The following SNX10 variants were observed in gnomAD, a reference collection of about 807,000 sequenced individuals.
SNX10 encodes sorting nexin 10.
In SNX10, 25 loss-of-function variants were observed where a neutral mutation model predicts 28.5. That is an observed-to-expected ratio of 0.88 (90% CI 0.64 to 1.22). SNX10 has a LOEUF of 1.22. Ranked by LOEUF, SNX10 falls within the 50% of genes most tolerant of loss-of-function variation. SNX10 has a pLI of 0.00. For synonymous variants in SNX10, 62 were observed against 81.4 expected (o/e 0.76, Z 1.28); for missense variants, 223 against 242.6 (o/e 0.92, Z 0.54).
intron 1 of SNX10, among the ~76,000 whole-genome samples, chr7:26,304,567 G>A (rs868528136): frequency 3.3e-5 from 5 of 152,114 alleles, no homozygotes; most frequent in South Asian, 2.1e-4. Flanking sequence ...GGATTACACC[G>A]CACAAGCTTG....
chr7:26,310,980 G>A (rs775040675), intron 1 of SNX10, among the ~76,000 whole-genome samples: 5 of 152,050 alleles, frequency 3.3e-5, no homozygotes, highest in African/African-American at 7.2e-5. Context: ...ACCGTGCCTG[G>A]CCAAGCTGAG....
At chr7:26,370,501 G>T (rs1485679969) in intron 5 of SNX10, 2 of 152,146 alleles carry the variant, frequency 1.3e-5, no homozygotes, top group African/African-American at 2.4e-5. Context: ...GACCAGTAAA[G>T]AATATTTTCT....
chr7:26,350,529 G>A (rs557271937), intron 2 of SNX10, among the ~76,000 whole-genome samples: 1 of 152,296 alleles, frequency 6.6e-6, no homozygotes, highest in East Asian at 1.9e-4. Context: ...GTCTGGAACT[G>A]ATGAATACCT....
intron 1 of SNX10, among the ~76,000 whole-genome samples, chr7:26,335,735 C>CTTT (rs57340085): frequency 0.01 from 853 of 84,270 alleles, 136 homozygotes; most frequent in South Asian, 0.071. Flanking sequence ...ATGGAATATT[C>CTTT]TTTTTTTTTT....
intron 1 of SNX10, among the ~76,000 whole-genome samples, chr7:26,330,170 A>T (rs1423748965): frequency 1.3e-5 from 2 of 151,972 alleles, no homozygotes; most frequent in Admixed American, 6.6e-5. Flanking sequence ...AAGAGCCCGG[A>T]ATGTTAGGGC....
In SNX10 at chr7:26,291,958, C is replaced by CGCGGGGAGCGCGGGGAGCGCGGGG. The variant is rs1785936243; in HGVS notation, c.-152_-151insGCGGGGAGCGCGGGGAGCGCGGGG. The CGCGGGGAGCGCGGGGAGCGCGGGG allele has an allele frequency of 7.4e-6, 1 of 134,252 alleles. No individual in the cohort carries two copies. The highest frequency in any genetic ancestry group is 1.7e-5 in the Non-Finnish European group (1 of 60,064). The allele number at this position is 134,252 out of a possible 1,614,324, so 8.3% of individuals were successfully genotyped here. A position where few individuals can be genotyped will look rare whatever the true frequency, so the allele number is the denominator to read the frequency against. On this transcript the variant is annotated 5_prime_UTR_variant, in exon 1 of 7. Coordinates refer to ENST00000338523, the MANE Select transcript of SNX10 (RefSeq NM_013322.3). ...CGCGGGGAGCGCGGGGAGCGCGGGG[C>CGCGGGGAGCGCGGGGAGCGCGGGG]TGCGCTCGTGTGCGCTCCTGGGCGC...
intron 1 of SNX10, among the ~76,000 whole-genome samples, chr7:26,312,560 C>G (rs1035593520): frequency 6.6e-6 from 1 of 152,052 alleles, no homozygotes; most frequent in Non-Finnish European, 1.5e-5. Flanking sequence ...CCGAGGCTGT[C>G]GGATCACAAG....
intron 3 of SNX10, among the ~76,000 whole-genome samples, chr7:26,363,306 A>G (rs1346034971): frequency 6.6e-6 from 1 of 152,210 alleles, no homozygotes; most frequent in Non-Finnish European, 1.5e-5. Flanking sequence ...ACAAAGCATA[A>G]GCATACCAGG....
rs759771717 is a variant in SNX10 at position 26,350,626 on chromosome 7, A to C, written c.24+4160A>C. Among the ~76,000 whole-genome samples, 2 of 152,070 alleles carry C rather than the reference A, an allele frequency of 1.3e-5. 1 individual carries two copies. The highest frequency in any genetic ancestry group is 4.2e-4 in the South Asian group (2 of 4,810). ...AAGACAGAACATTTTCTCACTCCCC[A>C]AAACCTAAATTTGTTGTTCCTCTCT... is the stretch of plus-strand genomic sequence containing the variant. On this transcript the variant is annotated intron_variant, in intron 2 of 6. Coordinates refer to ENST00000338523, the MANE Select transcript of SNX10 (RefSeq NM_013322.3).
intron 5 of SNX10, chr7:26,370,498 A>G (rs966728062): frequency 6.6e-6 from 1 of 152,224 alleles, no homozygotes; most frequent in Non-Finnish European, 1.5e-5. Flanking sequence ...ATAGACCAGT[A>G]AAGAATATTT....
intron 1 of SNX10, among the ~76,000 whole-genome samples, chr7:26,342,071 G>T (rs1788206202): frequency 7.1e-6 from 1 of 141,626 alleles, no homozygotes; most frequent in African/African-American, 2.7e-5. Flanking sequence ...TTGTTGCCCA[G>T]GCTGGAGTGC....
At chr7:26,366,490 G>A (rs554519961) in intron 5 of SNX10, among the ~76,000 whole-genome samples, 5 of 152,152 alleles carry the variant, frequency 3.3e-5, no homozygotes, top group Non-Finnish European at 5.9e-5. Flanking sequence ...TTGTATTTTT[G>A]GGGGGTATCA....
At chr7:26,332,413 T>A (rs1192430307) in intron 1 of SNX10, among the ~76,000 whole-genome samples, 1 of 152,202 alleles carries the variant, frequency 6.6e-6, no homozygotes, top group African/African-American at 2.4e-5. Flanking sequence ...ATACTTTGCT[T>A]GTTATTGAGT....
chr7:26,371,864 C>T lies in SNX10; in HGVS notation c.355C>T (p.Leu119Phe). Reference protein sequence around the residue: ...ALLLSDSSLHLFLQSHLNSED... With the variant: ...ALLLSDSSLHFFLQSHLNSED... ...TTTGCTTTCAGATAGCAGCCTTCAC[C>T]TCTTCTTACAGAGCCATCTGAATTC... Residue 119 changes from leucine to phenylalanine, a missense_variant, in exon 6 of 7, where the codon CTC (leucine) becomes TTC (phenylalanine). Coordinates refer to ENST00000338523, the MANE Select transcript of SNX10 (RefSeq NM_013322.3). The T allele has an allele frequency of 6.2e-7, 1 of 1,613,488 alleles. No homozygotes were observed. The highest frequency in any genetic ancestry group is 1.3e-5 in the African/African-American group (1 of 74,960).
At chr7:26,347,248 C>T (rs1217951183) in intron 2 of SNX10, among the ~76,000 whole-genome samples, 1 of 152,238 alleles carries the variant, frequency 6.6e-6, no homozygotes, top group East Asian at 1.9e-4. Context: ...TTTGCTAGCT[C>T]TCACATCTTT....
At chr7:26,310,035 A>G (rs937934314) in intron 1 of SNX10, among the ~76,000 whole-genome samples, 2 of 152,220 alleles carry the variant, frequency 1.3e-5, no homozygotes, top group Admixed American at 6.5e-5. Flanking sequence ...ATTATTCCCC[A>G]GTCTCATCCT....
intron 5 of SNX10, among the ~76,000 whole-genome samples, chr7:26,367,995 C>G (rs1379274573): frequency 6.6e-6 from 1 of 152,008 alleles, no homozygotes; most frequent in Non-Finnish European, 1.5e-5. Context: ...GTATATATAC[C>G]TATTTTTCTT....
Position 26,367,990 on chromosome 7 carries a change from T to A in SNX10, c.311+2845T>A, listed in dbSNP as rs568949625. The stretch of plus-strand genomic sequence containing the variant: ...CACAATGTCTTTGTATATGTGTATA[T>A]ATACCTATTTTTCTTTAAGGTCATT... On this transcript the variant is annotated intron_variant, in intron 5 of 6. Coordinates refer to ENST00000338523, the MANE Select transcript of SNX10 (RefSeq NM_013322.3). Among the ~76,000 whole-genome samples, 14 of 152,372 alleles carry A rather than the reference T, an allele frequency of 9.2e-5. No individual in the cohort carries two copies. The South Asian group carries it at 2.9e-3, about 32-fold the overall frequency.
At position 26,371,823 on chromosome 7, in the gene SNX10, T is replaced by A. The variant is rs1378090704; in HGVS notation, c.314T>A (p.Val105Asp). 6.2e-7 allele frequency: 1 copy of A among 1,606,844 alleles called. No homozygotes were observed. ...TTTTCCTTTTTTTTTTAATATAGAG[T>A]CCTACAGAATGCACTTTTGCTTTCA... ...RQGLEDFLRK[V>D]LQNALLLSDS... The change falls in exon 6 of 7, where the codon GTC (valine) becomes GAC (aspartate). Residue 105 changes from valine to aspartate, a missense_variant and splice_region_variant. Val to Asp is a radical substitution (Grantham distance 152). Transcript: ENST00000338523.
Sources: gnomAD v4.1 joint callset for allele counts (sites outside exome capture counted in the v4.1 genomes callset) on GRCh38, gnomAD v4.1.1 for gene constraint, MANE v1.5 for transcripts, NCBI Gene and HGNC (gene_info 2026-07-23, HGNC 2026-07-21) for gene names.